The following EYS variants were observed in gnomAD, a reference collection of about 807,000 sequenced individuals.
The protein encoded by EYS is EGF-like photoreceptor maintenance factor, also known as protein eyes shut homolog.
Under a neutral mutation model 282.1 loss-of-function variants are expected in EYS, and 250 were observed. The observed-to-expected ratio is 0.89, with a 90% confidence interval of 0.80 to 0.98. The LOEUF (loss-of-function observed/expected upper bound fraction) is 0.98. EYS is among the 50% of genes least tolerant of loss of function. The probability of loss-of-function intolerance (pLI) is 0.00; values close to 1 mark genes in which losing one functional copy is unlikely to be tolerated. For missense variants in EYS, 4,016 were observed against 3,709.0 expected, an observed-to-expected ratio of 1.08 and a Z score of -2.15; for synonymous variants, 1,355 against 1,282.9, an observed-to-expected ratio of 1.06 and a Z score of -1.20.
At chr6:64,744,668 G>A (rs1772494785) in intron 22 of EYS, among the ~76,000 whole-genome samples, 1 of 152,064 alleles carries the variant, frequency 6.6e-6, no homozygotes, top group African/African-American at 2.4e-5. Context: ...TATATATGCA[G>A]ATTAAAAGTA....
chr6:65,040,176 G>A (rs1314481305), intron 13 of EYS, among the ~76,000 whole-genome samples: 1 of 151,646 alleles, frequency 6.6e-6, no homozygotes, highest in Non-Finnish European at 1.5e-5. Flanking sequence ...GTGAGGCTAC[G>A]CCAAAAAATG....
At chr6:64,413,639 T>C (rs1773977778) in intron 28 of EYS, among the ~76,000 whole-genome samples, 1 of 151,646 alleles carries the variant, frequency 6.6e-6, no homozygotes, top group Non-Finnish European at 1.5e-5. Flanking sequence ...TCGTAAAGGT[T>C]AGGACAAAAG....
intron 33 of EYS, among the ~76,000 whole-genome samples, chr6:64,006,185 C>G (rs1235674544): frequency 6.6e-6 from 1 of 151,934 alleles, no homozygotes; most frequent in Non-Finnish European, 1.5e-5. Flanking sequence ...GATCTTTTAC[C>G]TCACTGGTTA....
intron 1 of EYS, among the ~76,000 whole-genome samples, chr6:65,682,115 T>C (rs1350979033): frequency 6.6e-6 from 1 of 152,114 alleles, no homozygotes; most frequent in Non-Finnish European, 1.5e-5. Flanking sequence ...AATTGCAATA[T>C]TGTTGAATAA....
chr6:65,289,996 T>G (rs76226268), intron 12 of EYS, among the ~76,000 whole-genome samples: 3,864 of 151,286 alleles, frequency 0.026, 150 homozygotes, highest in African/African-American at 0.085. Flanking sequence ...AAATGCCATA[T>G]TTACTCATAA....
At chr6:65,002,578 G>A (rs1160824434) in intron 13 of EYS, among the ~76,000 whole-genome samples, 2 of 147,452 alleles carry the variant, frequency 1.4e-5, no homozygotes, top group Non-Finnish European at 3.0e-5. Context: ...CACAGCACTT[G>A]TTTTGAGAAA....
intron 31 of EYS, among the ~76,000 whole-genome samples, chr6:64,132,604 A>G (rs1774016869): frequency 6.6e-6 from 1 of 151,984 alleles, no homozygotes; most frequent in Non-Finnish European, 1.5e-5. Flanking sequence ...ATGTAAGAAG[A>G]CAATTACATT....
At chr6:64,608,271 T>A (rs1766997473) in intron 24 of EYS, among the ~76,000 whole-genome samples, 1 of 152,038 alleles carries the variant, frequency 6.6e-6, no homozygotes, top group Admixed American at 6.6e-5. Flanking sequence ...AGGTAATATG[T>A]GCACAGTTCC....
At chr6:64,727,573 C>T (rs186501919) in intron 22 of EYS, among the ~76,000 whole-genome samples, 175 of 151,806 alleles carry the variant, frequency 1.2e-3, no homozygotes, top group Non-Finnish European at 1.3e-3. Flanking sequence ...AATTATTTTC[C>T]GGAAAAACAA....
chr6:64,430,422 G>A (rs1250980692), intron 28 of EYS, among the ~76,000 whole-genome samples: 1 of 152,136 alleles, frequency 6.6e-6, no homozygotes, highest in African/African-American at 2.4e-5. Flanking sequence ...AATCTGACAT[G>A]CTAAGCATTT....
intron 35 of EYS, among the ~76,000 whole-genome samples, chr6:63,975,963 G>A (rs151324735): frequency 2.2e-3 from 338 of 152,066 alleles, no homozygotes; most frequent in African/African-American, 7.9e-3. Context: ...ATACAGTATG[G>A]TCTATTGCTC....
chr6:64,477,777 CAT>C (rs537618395), intron 26 of EYS, among the ~76,000 whole-genome samples: 9 of 151,928 alleles, frequency 5.9e-5, no homozygotes, highest in Non-Finnish European at 1.0e-4. Context: ...CAAAAGGAAA[CAT>C]GTGTTTCATG....
At chr6:63,958,861 T>C (rs6930179) in intron 35 of EYS, among the ~76,000 whole-genome samples, 62,112 of 151,966 alleles carry the variant, frequency 0.41, 13,906 homozygotes, top group African/African-American at 0.6. Flanking sequence ...ACTATTGAGA[T>C]CTACTGCTCA....
chr6:64,179,774 C>T (rs1764737891), intron 31 of EYS, among the ~76,000 whole-genome samples: 1 of 151,974 alleles, frequency 6.6e-6, no homozygotes, highest in Non-Finnish European at 1.5e-5. Context: ...TGGTACTGAA[C>T]TTAGGAGCTG....
intron 29 of EYS, among the ~76,000 whole-genome samples, chr6:64,361,014 A>G (rs551802571): frequency 1.4e-4 from 21 of 151,800 alleles, no homozygotes; most frequent in Non-Finnish European, 1.8e-4. Flanking sequence ...AGGAAAATCA[A>G]TCTCAGGGAG....
chr6:65,421,373 C>A (rs1582269774), intron 5 of EYS, among the ~76,000 whole-genome samples: 2 of 151,894 alleles, frequency 1.3e-5, no homozygotes, highest in Admixed American at 6.6e-5. Flanking sequence ...CCTCTCTCAG[C>A]CTTTATAGAT....
chr6:63,767,191 TCA>T (rs1197085306), intron 40 of EYS, among the ~76,000 whole-genome samples: 1 of 151,912 alleles, frequency 6.6e-6, no homozygotes, highest in Admixed American at 6.6e-5. Context: ...ATGCCCACTC[TCA>T]CCACTCCTAT....
chr6:65,700,046 C>T (rs1769608246), intron 1 of EYS, among the ~76,000 whole-genome samples: 1 of 129,858 alleles, frequency 7.7e-6, no homozygotes, highest in Non-Finnish European at 1.5e-5. Flanking sequence ...ACCCGGGAGG[C>T]AGAGCTTGCA....
chr6:65,435,293 C>A (rs1449257808), intron 5 of EYS, among the ~76,000 whole-genome samples: 1 of 151,786 alleles, frequency 6.6e-6, no homozygotes, highest in Non-Finnish European at 1.5e-5. Flanking sequence ...CTTTATGAGA[C>A]TTAAAGGAAT....
Sources: allele counts gnomAD v4.1 joint callset (sites outside exome capture counted in the v4.1 genomes callset), GRCh38; gene constraint gnomAD v4.1.1; transcripts MANE v1.5; gene names NCBI Gene and HGNC (gene_info 2026-07-23, HGNC 2026-07-21).